NBEA: variants seen among roughly 807,000 people sequenced by gnomAD.
The protein encoded by NBEA is neurobeachin.
A neutral mutation model predicts 343.4 loss-of-function variants in NBEA; 44 were observed. The ratio of observed to expected loss-of-function variants is 0.13; its 90% CI spans 0.10 to 0.16. The LOEUF (loss-of-function observed/expected upper bound fraction) is 0.16. Ranked by LOEUF, NBEA falls within the 10% of genes least tolerant of loss-of-function variation. NBEA has a pLI of 1.00. For missense variants in NBEA, 2,555 were observed against 3,631.3 expected, an observed-to-expected ratio of 0.70 and a Z score of 7.62; for synonymous variants, 1,175 against 1,238.7, an observed-to-expected ratio of 0.95 and a Z score of 1.08.
At chr13:35,293,867 C>G (rs1372822613) in intron 35 of NBEA, among the ~76,000 whole-genome samples, 1 of 151,990 alleles carries the variant, frequency 6.6e-6, no homozygotes, top group Non-Finnish European at 1.5e-5. Context: ...ATGGCACTTG[C>G]ATTTTTCTGT....
At chr13:35,594,328 T>C (rs1223130976) in intron 47 of NBEA, among the ~76,000 whole-genome samples, 4 of 152,130 alleles carry the variant, frequency 2.6e-5, no homozygotes, top group Non-Finnish European at 5.9e-5. Context: ...GTCATTCACA[T>C]ATTTATGCTT....
At chr13:35,594,146 TA>T (rs1362431760) in intron 47 of NBEA, among the ~76,000 whole-genome samples, 1 of 152,158 alleles carries the variant, frequency 6.6e-6, no homozygotes, top group Non-Finnish European at 1.5e-5. Flanking sequence ...TTTTTCCTGA[TA>T]ATAAGGTTAC....
chr13:35,216,372 C>A (rs1023087223), intron 33 of NBEA, among the ~76,000 whole-genome samples: 1 of 151,940 alleles, frequency 6.6e-6, no homozygotes, highest in African/African-American at 2.4e-5. Context: ...TTGCCTATCA[C>A]TGCTGTCACA....
intron 31 of NBEA, among the ~76,000 whole-genome samples, chr13:35,200,657 T>C (rs2072958385): frequency 6.6e-6 from 1 of 151,964 alleles, no homozygotes; most frequent in Admixed American, 6.6e-5. Flanking sequence ...GTTTGATATA[T>C]TCAGGGAAAC....
intron 4 of NBEA, among the ~76,000 whole-genome samples, chr13:35,048,052 A>T (rs1370695543): frequency 4.0e-5 from 6 of 151,846 alleles, no homozygotes; most frequent in Non-Finnish European, 5.9e-5. Context: ...AATAAATGTC[A>T]TACTTTGCCT....
intron 36 of NBEA, among the ~76,000 whole-genome samples, chr13:35,348,358 A>C (rs1035871278): frequency 3.3e-5 from 5 of 152,096 alleles, no homozygotes; most frequent in African/African-American, 1.2e-4. Context: ...TATATTTTAG[A>C]AGTCTCTGAA....
intron 38 of NBEA, among the ~76,000 whole-genome samples, chr13:35,387,555 T>G (rs185269326): frequency 4.6e-5 from 7 of 152,242 alleles, no homozygotes; most frequent in Admixed American, 4.6e-4. Flanking sequence ...ATTGAGGATT[T>G]GAAATAACAC....
At chr13:35,132,650 C>G (rs373104057) in intron 17 of NBEA, among the ~76,000 whole-genome samples, 1 of 152,096 alleles carries the variant, frequency 6.6e-6, no homozygotes, top group African/African-American at 2.4e-5. Flanking sequence ...AAGCCAGATG[C>G]AAAAACTATA....
At chr13:35,220,901 C>T (rs886286548) in intron 33 of NBEA, among the ~76,000 whole-genome samples, 7 of 152,166 alleles carry the variant, frequency 4.6e-5, no homozygotes, top group Middle Eastern at 3.4e-3. Context: ...ATCCTTTCCC[C>T]CTATGCCTAT....
At chr13:35,155,961 G>C in intron 19 of NBEA, 106 bp downstream of exon 19, 2 of 1,471,284 alleles carry the variant, frequency 1.4e-6, no homozygotes, top group Non-Finnish European at 9.4e-7. Flanking sequence ...TGTTTACCTA[G>C]TTCATGACAG....
At chr13:35,593,959 C>G (rs567739919) in intron 47 of NBEA, among the ~76,000 whole-genome samples, 1 of 152,130 alleles carries the variant, frequency 6.6e-6, no homozygotes, top group South Asian at 2.1e-4. Flanking sequence ...TAGATTAAAC[C>G]AACACACACA....
intron 11 of NBEA, among the ~76,000 whole-genome samples, chr13:35,102,823 A>C (rs1374643983): frequency 6.6e-6 from 1 of 151,738 alleles, no homozygotes; most frequent in Non-Finnish European, 1.5e-5. Context: ...ATAACATTGG[A>C]GAATGATAGT....
chr13:35,480,058 G>GGA (rs2076059100), intron 41 of NBEA, among the ~76,000 whole-genome samples: 1 of 136,368 alleles, frequency 7.3e-6, no homozygotes, highest in Admixed American at 7.3e-5. Context: ...TACCAGTTAG[G>GGA]AAAAAAAAAA....
intron 38 of NBEA, among the ~76,000 whole-genome samples, chr13:35,364,111 C>A (rs1036558279): frequency 8.6e-5 from 13 of 151,876 alleles, no homozygotes; most frequent in African/African-American, 2.9e-4. Flanking sequence ...CATGTGATAA[C>A]CTTCTCAAAC....
At chr13:35,173,619 A>G (rs747882738) in intron 27 of NBEA, 25 bp downstream of exon 27, 28 of 1,587,096 alleles carry the variant, frequency 1.8e-5, no homozygotes, top group Non-Finnish European at 2.3e-5. Flanking sequence ...TTTCTTGGCC[A>G]AATATAATTT....
intron 38 of NBEA, among the ~76,000 whole-genome samples, chr13:35,354,407 C>T (rs1238310188): frequency 6.6e-6 from 1 of 152,048 alleles, no homozygotes; most frequent in Non-Finnish European, 1.5e-5. Flanking sequence ...TAATTATTTC[C>T]TTATGTAATT....
intron 34 of NBEA, among the ~76,000 whole-genome samples, chr13:35,278,521 T>C (rs1175012387): frequency 2.0e-5 from 3 of 152,226 alleles, no homozygotes; most frequent in Non-Finnish European, 2.9e-5. Flanking sequence ...CTATAAATGA[T>C]TTGTCATCTT....
At chr13:35,517,844 A>G (rs905026330) in intron 41 of NBEA, among the ~76,000 whole-genome samples, 1 of 152,230 alleles carries the variant, frequency 6.6e-6, no homozygotes, top group Admixed American at 6.5e-5. Context: ...TCTTATACAC[A>G]TAGTACTTGG....
intron 38 of NBEA, among the ~76,000 whole-genome samples, chr13:35,391,438 T>C (rs976612362): frequency 6.6e-6 from 1 of 152,128 alleles, no homozygotes; most frequent in Admixed American, 6.6e-5. Flanking sequence ...ACTGTTATTA[T>C]AGATATAAAA....
Sources: allele counts gnomAD v4.1 joint callset (sites outside exome capture counted in the v4.1 genomes callset), GRCh38; gene constraint gnomAD v4.1.1; transcripts MANE v1.5; gene names NCBI Gene and HGNC (gene_info 2026-07-23, HGNC 2026-07-21).